Variants in MS4A13 observed in about 807,000 individuals in gnomAD.
The protein encoded by MS4A13 is membrane-spanning 4-domains subfamily A member 13.
MS4A13 carries 21 observed loss-of-function variants against 18.4 expected under a neutral mutation model. The ratio of observed to expected loss-of-function variants is 1.14; its 90% CI spans 0.81 to 1.64. The LOEUF (loss-of-function observed/expected upper bound fraction) is 1.64. Ranked by LOEUF, MS4A13 falls within the 40% of genes most tolerant of loss-of-function variation. The pLI is 0.00. For synonymous variants in MS4A13, 62 were observed against 57.2 expected, an observed-to-expected ratio of 1.08 and a Z score of -0.38; for missense variants, 173 against 176.8, an observed-to-expected ratio of 0.98 and a Z score of 0.12.
chr11:60,520,893 C>T (rs533165061), intron 3 of MS4A13, among the ~76,000 whole-genome samples: 14 of 152,344 alleles, frequency 9.2e-5, no homozygotes, highest in Admixed American at 2.6e-4. Context: ...ATGAGGGCCC[C>T]GCCCCTGCAG....
intron 3 of MS4A13, among the ~76,000 whole-genome samples, chr11:60,518,929 A>C (rs930703840): frequency 1.3e-5 from 2 of 152,212 alleles, no homozygotes; most frequent in Non-Finnish European, 2.9e-5. Flanking sequence ...AAATGGGGTG[A>C]TAGCTGGGGA....
At chr11:60,542,069 C>G (rs2086863304) in intron 6 of MS4A13, among the ~76,000 whole-genome samples, 1 of 148,146 alleles carries the variant, frequency 6.8e-6, no homozygotes, top group South Asian at 2.1e-4. Context: ...GATCGCACCA[C>G]TGCACTCCAG....
chr11:60,531,021 C>T (rs920191681), intron 6 of MS4A13, among the ~76,000 whole-genome samples: 7 of 152,150 alleles, frequency 4.6e-5, no homozygotes, highest in Non-Finnish European at 7.3e-5. Flanking sequence ...ATAAATTACC[C>T]AGTCTTGACA....
intron 6 of MS4A13, among the ~76,000 whole-genome samples, chr11:60,538,177 T>TAAA (rs1555025699): frequency 5.3e-5 from 4 of 75,130 alleles, no homozygotes; most frequent in African/African-American, 1.7e-4. Flanking sequence ...TAAAGTATAA[T>TAAA]AAAAAAAAAA....
intron 6 of MS4A13, among the ~76,000 whole-genome samples, chr11:60,538,305 A>G (rs894129561): frequency 1.3e-5 from 2 of 151,820 alleles, no homozygotes. Context: ...CAAAGGCCAT[A>G]CAGTTTTCGT....
At chr11:60,519,197 C>G (rs1039416063) in intron 3 of MS4A13, among the ~76,000 whole-genome samples, 8 of 152,220 alleles carry the variant, frequency 5.3e-5, no homozygotes, top group Non-Finnish European at 1.0e-4. Flanking sequence ...TTTATAATAT[C>G]TGGAGATATT....
intron 3 of MS4A13, among the ~76,000 whole-genome samples, chr11:60,522,937 G>A (rs928639670): frequency 1.1e-4 from 16 of 152,176 alleles, no homozygotes; most frequent in African/African-American, 3.9e-4. Context: ...TCAACTAAAT[G>A]TAATTTAATA....
Position 60,525,244 on chromosome 11 carries a change from T to A in MS4A13, c.224T>A (p.Ile75Asn), listed in dbSNP as rs1168729511. 5.1e-6 allele frequency: 8 copies of A among 1,568,558 alleles called. No homozygotes were observed. The highest frequency in any genetic ancestry group is 1.3e-5 in the African/African-American group (1 of 74,080). Residue 75 changes from isoleucine (I) to asparagine (N), a missense_variant, in exon 5 of 7, where the codon ATT becomes AAT. Physicochemically the swap from Ile to Asn is moderately radical, Grantham distance 149. Transcript: ENST00000378186. Reference protein sequence around the residue: ...STLIINIICIITTITAVTLTI... With the variant: ...STLIINIICINTTITAVTLTI... ...TTAATCATAAACATCATCTGCATAA[T>A]TACTACAATTACTGCAGTAACTCTA... is the stretch of plus-strand genomic sequence containing the variant.
At chr11:60,539,255 A>G (rs1449775597) in intron 6 of MS4A13, among the ~76,000 whole-genome samples, 1 of 151,980 alleles carries the variant, frequency 6.6e-6, no homozygotes. Flanking sequence ...GGCAACAATG[A>G]TTCATCAAAT....
rs928966804 is a variant in MS4A13 at position 60,515,465 on chromosome 11, G to C, written c.-271G>C. The C allele has an allele frequency of 1.4e-4, 22 of 152,362 alleles. No homozygotes were observed. The highest frequency in any genetic ancestry group is 4.8e-4 in the African/African-American group (20 of 41,466). 9.4% of individuals were successfully genotyped at this position (152,362 alleles called of 1,614,324 possible). Reference sequence around the variant, plus strand: ...TATCCCTGTGATGGTAGCTCAGCGAGATCTGGGGACCTGGCGCTGAGCGCG... The same window carrying C: ...TATCCCTGTGATGGTAGCTCAGCGACATCTGGGGACCTGGCGCTGAGCGCG... On this transcript the variant is annotated 5_prime_UTR_variant, in exon 1 of 7. Transcript: ENST00000378186.
intron 6 of MS4A13, among the ~76,000 whole-genome samples, chr11:60,539,554 G>T (rs1458490033): frequency 6.6e-6 from 1 of 151,890 alleles, no homozygotes; most frequent in Admixed American, 6.6e-5. Flanking sequence ...AAAAATTAAA[G>T]AAATAATGGC....
At chr11:60,526,645 G>A (rs1045682949) in intron 5 of MS4A13, among the ~76,000 whole-genome samples, 5 of 152,224 alleles carry the variant, frequency 3.3e-5, no homozygotes, top group African/African-American at 4.8e-5. Context: ...TGTCATTACA[G>A]AATTATATAC....
At chr11:60,527,362 GTCTCTCTCTCTCTCTC>G (rs1313348420) in intron 5 of MS4A13, among the ~76,000 whole-genome samples, 1 of 62,584 alleles carries the variant, frequency 1.6e-5, no homozygotes, top group African/African-American at 7.3e-5. Flanking sequence ...CATTCATTCC[GTCTCTCTCTCTCTCTC>G]TCTCTCTCTC....
At chr11:60,519,809 G>C (rs2086661786) in intron 3 of MS4A13, among the ~76,000 whole-genome samples, 1 of 152,204 alleles carries the variant, frequency 6.6e-6, no homozygotes, top group Non-Finnish European at 1.5e-5. Context: ...GTTAGTGATG[G>C]AAAGAAGAAT....
chr11:60,542,797 G>A (rs754694880), downstream of MS4A13: 63 of 369,220 alleles, frequency 1.7e-4, no homozygotes, highest in Admixed American at 2.8e-4. Flanking sequence ...CAGGATGAAT[G>A]TGTTATCTAG....
At chr11:60,519,066 T>C (rs896710571) in intron 3 of MS4A13, among the ~76,000 whole-genome samples, 7 of 152,274 alleles carry the variant, frequency 4.6e-5, no homozygotes, top group African/African-American at 1.7e-4. Context: ...GGGGTGGGTA[T>C]TGGGATCAAG....
chr11:60,518,213 G>T lies in MS4A13; in HGVS notation c.129+1G>T, dbSNP rs1404533103. 2 of 1,606,966 alleles carry T rather than the reference G, an allele frequency of 1.2e-6. No homozygotes were observed. Among genetic ancestry groups the T allele is most frequent in the South Asian group, 2.2e-5 (2 of 89,816 alleles). Reference sequence around the variant, plus strand: ...AGGATGTACTTTATGGGGAATTTTTGTGAGTAGAATACATATATATTGCTT... The same window carrying T: ...AGGATGTACTTTATGGGGAATTTTTTTGAGTAGAATACATATATATTGCTT... On this transcript the variant is annotated splice_donor_variant, in intron 3 of 6. Coordinates refer to ENST00000378186, the MANE Select transcript of MS4A13 (RefSeq NM_001012417.3). LOFTEE classifies it high-confidence loss of function.
At chr11:60,530,373 G>A (rs943137631) in intron 6 of MS4A13, among the ~76,000 whole-genome samples, 1 of 152,160 alleles carries the variant, frequency 6.6e-6, no homozygotes, top group African/African-American at 2.4e-5. Flanking sequence ...ATTTTATGTA[G>A]GATGGTCAAG....
intron 5 of MS4A13, 118 bp from the exon 6 acceptor site, chr11:60,529,242 CTTATT>C: frequency 2.1e-6 from 1 of 469,312 alleles, no homozygotes. Context: ...TTTATCTGTT[CTTATT>C]TTCCTTCCTT....
Sources: gnomAD v4.1 joint callset for allele counts (sites outside exome capture counted in the v4.1 genomes callset) on GRCh38, gnomAD v4.1.1 for gene constraint, MANE v1.5 for transcripts, NCBI Gene and HGNC (gene_info 2026-07-23, HGNC 2026-07-21) for gene names.